PTPN5: variants seen among roughly 807,000 people sequenced by gnomAD.
PTPN5 encodes the protein protein tyrosine phosphatase non-receptor type 5.
In PTPN5, 29 loss-of-function variants were observed where a neutral mutation model predicts 73.9. The ratio of observed to expected loss-of-function variants is 0.39; its 90% CI spans 0.29 to 0.54. The LOEUF (loss-of-function observed/expected upper bound fraction) is 0.54. Among genes scored for constraint, PTPN5 ranks in the 20% least tolerant of loss-of-function variants. The probability of loss-of-function intolerance (pLI) is 0.65; values close to 1 mark genes in which losing one functional copy is unlikely to be tolerated. For missense variants in PTPN5, 652 were observed against 751.4 expected (o/e 0.87, Z 1.55); for synonymous variants, 267 against 304.7 (o/e 0.88, Z 1.29).
chr11:18,791,121 T>G (rs1467570703), intron 1 of PTPN5, among the ~76,000 whole-genome samples: 1 of 152,152 alleles, frequency 6.6e-6, no homozygotes, highest in Non-Finnish European at 1.5e-5. Context: ...GGAGCCGCGC[T>G]TTAGAGGCCA....
chr11:18,772,070 A>G lies in PTPN5; in HGVS notation c.-112T>C. 1 of 778,410 alleles carries G rather than the reference A, an allele frequency of 1.3e-6. No homozygotes were observed. The highest frequency in any genetic ancestry group is 3.0e-5 in the East Asian group (1 of 33,162). The allele number at this position is 778,410 out of a possible 1,614,324, so 48.2% of individuals were successfully genotyped here. On this transcript the variant is annotated splice_region_variant and 5_prime_UTR_variant, in exon 2 of 15. Coordinates refer to ENST00000358540, the MANE Select transcript of PTPN5 (RefSeq NM_006906.2). The stretch of plus-strand genomic sequence containing the variant: ...GAGAGAGGGCAGCTTCAGATCATCC[A>G]GCTGGGAAAACGGGGCAAAGAGAGA...
Position 18,733,503 on chromosome 11 carries a change from C to A in PTPN5, c.1080+53G>T. 6.2e-7 allele frequency: 1 copy of A among 1,612,834 alleles called. No individual in the cohort carries two copies. The highest frequency in any genetic ancestry group is 8.5e-7 in the Non-Finnish European group (1 of 1,178,986). On this transcript the variant is annotated intron_variant, in intron 10 of 14. Transcript: ENST00000358540. This position sits in a 1 kb window ranked among gnomAD's most constrained non-coding sequence, Gnocchi z 4.3. ...AGGGACAAGGCTGGAGGATGGATCC[C>A]ATCGACTCAGGCCTCCCCTTGAGCA...
At position 18,729,651 on chromosome 11, in the gene PTPN5, G is replaced by A. The variant is rs374909007; in HGVS notation, c.1490+7C>T. 25 of 1,574,286 alleles carry A rather than the reference G, an allele frequency of 1.6e-5. No individual in the cohort carries two copies. In the African/African-American group the frequency reaches 1.9e-4, roughly 12 times the overall value. ...CCCCGCTCCAGTGGCTGGCTGGGAG[G>A]ACCCACCTGCAGTGGACGATGATGG... On this transcript the variant is annotated splice_region_variant and intron_variant, in intron 13 of 14. Transcript: ENST00000358540. This position sits in a 1 kb window ranked among gnomAD's most constrained non-coding sequence, Gnocchi z 5.2.
chr11:18,775,544 G>GA (rs1341125028), intron 1 of PTPN5, among the ~76,000 whole-genome samples: 1 of 152,194 alleles, frequency 6.6e-6, no homozygotes, highest in Non-Finnish European at 1.5e-5. Context: ...AACAGCCCAG[G>GA]AAGCAGGCCT....
chr11:18,763,840 G>T (rs768507515), intron 3 of PTPN5, among the ~76,000 whole-genome samples: 3 of 152,194 alleles, frequency 2.0e-5, no homozygotes, highest in Admixed American at 1.3e-4. Context: ...ACAGATGAGG[G>T]ACTGGAGCTC....
intron 1 of PTPN5, among the ~76,000 whole-genome samples, chr11:18,773,414 AC>A (rs1318119579): frequency 6.6e-6 from 1 of 152,090 alleles, no homozygotes; most frequent in Non-Finnish European, 1.5e-5. Flanking sequence ...GGTGGGTGGC[AC>A]TGAGTGCATA....
chr11:18,764,708 T>C (rs1055181574), intron 3 of PTPN5, among the ~76,000 whole-genome samples: 14 of 148,502 alleles, frequency 9.4e-5, no homozygotes, highest in Non-Finnish European at 1.6e-4. Flanking sequence ...CTTTGTTTTG[T>C]TTTGTTTTGT....
At chr11:18,739,245 G>A (rs898973688) in intron 8 of PTPN5, among the ~76,000 whole-genome samples, 49 of 152,186 alleles carry the variant, frequency 3.2e-4, no homozygotes, top group African/African-American at 1.0e-3. Context: ...CTCAGGCCAC[G>A]CTCCTTCCTC....
At chr11:18,737,242 G>T (rs1017026499) in intron 9 of PTPN5, among the ~76,000 whole-genome samples, 1 of 152,162 alleles carries the variant, frequency 6.6e-6, no homozygotes, top group Non-Finnish European at 1.5e-5. Context: ...GGAGCATCAG[G>T]TCACCTGGTC....
intron 1 of PTPN5, among the ~76,000 whole-genome samples, chr11:18,788,409 C>T (rs1590632940): frequency 6.6e-6 from 1 of 152,272 alleles, no homozygotes; most frequent in East Asian, 1.9e-4. Context: ...CCTCCATCCC[C>T]TTACCCAACC....
At chr11:18,743,852 C>CT in intron 4 of PTPN5, 154 bp downstream of exon 4, 1 of 856,216 alleles carries the variant, frequency 1.2e-6, no homozygotes. Context: ...CAGCCTTCCC[C>CT]TTATCCCAGC....
chr11:18,730,862 C>A (rs777319454), intron 12 of PTPN5: 1 of 152,200 alleles, frequency 6.6e-6, no homozygotes, highest in Admixed American at 6.6e-5. Flanking sequence ...CCTGCCCCTG[C>A]GTACTTGTAC....
intron 1 of PTPN5, among the ~76,000 whole-genome samples, chr11:18,789,085 G>A (rs779722814): frequency 9.9e-5 from 15 of 152,152 alleles, no homozygotes; most frequent in Non-Finnish European, 1.9e-4. Context: ...TTTTGAGGGA[G>A]GAGGACTTTG....
At chr11:18,737,217 C>T (rs539725733) in intron 9 of PTPN5, among the ~76,000 whole-genome samples, 1 of 152,256 alleles carries the variant, frequency 6.6e-6, no homozygotes, top group South Asian at 2.1e-4. Context: ...AAAATGATAC[C>T]CCAGGGCTGA....
chr11:18,774,461 CT>C (rs1190411656), intron 1 of PTPN5, among the ~76,000 whole-genome samples: 2 of 152,236 alleles, frequency 1.3e-5, no homozygotes, highest in Non-Finnish European at 2.9e-5. Flanking sequence ...TGTCTGTGGT[CT>C]GGTCCAAAGG....
intron 1 of PTPN5, among the ~76,000 whole-genome samples, chr11:18,788,336 TC>T (rs1385802570): frequency 6.6e-6 from 1 of 152,060 alleles, no homozygotes; most frequent in Non-Finnish European, 1.5e-5. Context: ...ATTATGTTTC[TC>T]CCCCACTCAA....
Position 18,729,563 on chromosome 11 carries a change from T to C in PTPN5, c.1494A>G (p.Ala498=), listed in dbSNP as rs1285600944. 3.8e-6 allele frequency: 6 copies of C among 1,588,058 alleles called. No homozygotes were observed. The highest frequency in any genetic ancestry group is 5.1e-6 in the Non-Finnish European group (6 of 1,166,930). The change falls in exon 14 of 15, where the codon GCA becomes GCG. Residue 498 remains alanine, a synonymous_variant. Transcript: ENST00000358540. This position sits in a 1 kb window ranked among gnomAD's most constrained non-coding sequence, Gnocchi z 5.2. ...HCAPIIVHCS[A]GIGRTGCFIA... Reference sequence around the variant, plus strand: ...TGAAGCAGCCGGTCCTCCCAATCCCTGCACTGAGGGCCGAGGGGACCGGTG... The same window carrying C: ...TGAAGCAGCCGGTCCTCCCAATCCCCGCACTGAGGGCCGAGGGGACCGGTG...
intron 2 of PTPN5, among the ~76,000 whole-genome samples, chr11:18,769,679 C>T (rs1378490160): frequency 1.3e-5 from 2 of 152,254 alleles, no homozygotes; most frequent in African/African-American, 4.8e-5. Flanking sequence ...ACTGGGATTA[C>T]AGGCGTGAGC....
At chr11:18,789,956 G>T (rs1851839784) in intron 1 of PTPN5, among the ~76,000 whole-genome samples, 1 of 152,110 alleles carries the variant, frequency 6.6e-6, no homozygotes, top group Admixed American at 6.5e-5. Context: ...AATAAAAAAA[G>T]GAAGTTCTTG....
Sources: gnomAD v4.1 joint callset for allele counts (sites outside exome capture counted in the v4.1 genomes callset) on GRCh38, gnomAD v4.1.1 for gene constraint, Gnocchi (gnomAD v3.1) non-coding constraint, MANE v1.5 for transcripts, NCBI Gene and HGNC (gene_info 2026-07-23, HGNC 2026-07-21) for gene names.